The following NRDE2 variants were observed in gnomAD, a reference collection of about 807,000 sequenced individuals.
NRDE2 encodes the protein nuclear exosome regulator NRDE2.
NRDE2 carries 76 observed loss-of-function variants against 124.2 expected under a neutral mutation model. That is an observed-to-expected ratio of 0.61 (90% CI 0.51 to 0.74). NRDE2 has a LOEUF of 0.74. Among genes scored for constraint, NRDE2 ranks in the 30% least tolerant of loss-of-function variants. NRDE2 has a pLI of 0.00. For synonymous variants in NRDE2, 489 were observed against 528.1 expected (o/e 0.93, Z 1.01); for missense variants, 1,314 against 1,417.3 (o/e 0.93, Z 1.17).
In NRDE2 at chr14:90,288,684, G is replaced by A. The variant is rs373558788; in HGVS notation, c.2691C>T (p.Thr897=). The change falls in exon 11 of 14, where the codon ACC becomes ACT. Residue 897 remains threonine (T), a synonymous_variant. Coordinates refer to ENST00000354366, the MANE Select transcript of NRDE2 (RefSeq NM_017970.4). ...GDSCVSNPAP[T]DSCSRLISLA... ...GGCTAATTAGGCGGCTACAGGAATCGGTGGGAGCTGGATTGGAGACACAGC... is the reference window on the plus strand; with the variant it reads ...GGCTAATTAGGCGGCTACAGGAATCAGTGGGAGCTGGATTGGAGACACAGC... 8 of 1,614,058 alleles carry A rather than the reference G, an allele frequency of 5.0e-6. No homozygotes were observed. The highest frequency in any genetic ancestry group is 1.6e-4 in the Middle Eastern group (1 of 6,084).
intron 1 of NRDE2, among the ~76,000 whole-genome samples, chr14:90,319,046 G>A (rs1001438311): frequency 6.6e-6 from 1 of 152,134 alleles, no homozygotes. Flanking sequence ...TACATTAAAT[G>A]TCTAAAGATT....
At chr14:90,286,842 T>C (rs1032550623) in intron 11 of NRDE2, among the ~76,000 whole-genome samples, 4 of 150,812 alleles carry the variant, frequency 2.7e-5, no homozygotes, top group Admixed American at 2.6e-4. Flanking sequence ...AGGTCAGGAG[T>C]TGGAGACCAG....
At position 90,312,446 on chromosome 14, in the gene NRDE2, G is replaced by T. The variant is rs755402107; in HGVS notation, c.505C>A (p.Pro169Thr). ...TGETFRTDKK[P>T]DPANWEYKSL... ...TTGTACTCCCAGTTCGCAGGATCTG[G>T]TTTCTTATCTGTTCTGAAGGTTTCT... Residue 169 changes from proline to threonine, a missense_variant, in exon 4 of 14, where the codon CCA becomes ACA. Physicochemically the swap from Pro to Thr is conservative, Grantham distance 38 (BLOSUM62 -1). Transcript: ENST00000354366. 6.2e-7 allele frequency: 1 copy of T among 1,613,964 alleles called. No homozygotes were observed. The highest frequency in any genetic ancestry group is 1.3e-5 in the African/African-American group (1 of 74,908).
intron 9 of NRDE2, among the ~76,000 whole-genome samples, chr14:90,292,001 C>T (rs887050947): frequency 6.6e-6 from 1 of 152,250 alleles, no homozygotes; most frequent in Admixed American, 6.5e-5. Context: ...GAGTTGGTAT[C>T]TGGTTAAACT....
At chr14:90,329,023 T>C (rs1385413246) in intron 1 of NRDE2, among the ~76,000 whole-genome samples, 1 of 152,214 alleles carries the variant, frequency 6.6e-6, no homozygotes, top group Non-Finnish European at 1.5e-5. Flanking sequence ...TAAGGCTTTT[T>C]TCCATTACAA....
intron 1 of NRDE2, among the ~76,000 whole-genome samples, chr14:90,324,872 G>C (rs1885363705): frequency 6.6e-6 from 1 of 152,160 alleles, no homozygotes; most frequent in Non-Finnish European, 1.5e-5. Context: ...TTAAACCAGT[G>C]AATGGCACAT....
chr14:90,301,402 C>A lies in NRDE2; in HGVS notation c.1412-30G>T, dbSNP rs3742669. 0.7 allele frequency: 1,120,150 copies of A among 1,607,926 alleles called. 391,592 individuals carry two copies. The highest frequency in any genetic ancestry group is 0.79 in the East Asian group (35,208 of 44,762). On this transcript the variant is annotated intron_variant, in intron 6 of 13. Coordinates refer to ENST00000354366, the MANE Select transcript of NRDE2 (RefSeq NM_017970.4). The stretch of plus-strand genomic sequence containing the variant: ...GAACAGGAGGGCAAAGGGGAAGAAG[C>A]CTGGTTGATACCGTTAAAGGGAAAG...
In NRDE2 at chr14:90,268,643, C is replaced by T. The variant is rs900533000; in HGVS notation, c.*9693G>A. On this transcript the variant is annotated 3_prime_UTR_variant, in exon 14 of 14. Transcript: ENST00000354366. ...TATGAATAACCATGTCTTGAGCACC[C>T]GCCCTGATCCAGGACCATCTGGACT... is the stretch of plus-strand genomic sequence containing the variant. 52 of 464,906 alleles carry T rather than the reference C, an allele frequency of 1.1e-4. No individual in the cohort carries two copies. The Middle Eastern group carries it at 2.2e-3, about 20-fold the overall frequency. 28.8% of individuals were successfully genotyped at this position (464,906 alleles called of 1,614,324 possible).
At chr14:90,326,426 G>A (rs147940148) in intron 1 of NRDE2, among the ~76,000 whole-genome samples, 8,610 of 151,512 alleles carry the variant, frequency 0.057, 308 homozygotes, top group South Asian at 0.092. Flanking sequence ...CCCGGGAAGC[G>A]GAGCTTGCAG....
rs1306973948 is a variant in NRDE2 at position 90,271,122 on chromosome 14, C to T, written c.*7214G>A. On this transcript the variant is annotated 3_prime_UTR_variant, in exon 14 of 14. Coordinates refer to ENST00000354366, the MANE Select transcript of NRDE2 (RefSeq NM_017970.4). ...CTTCAAAAAAGTTGCAACAATAGCA[C>T]AGTGATTTGCCAAGAGTTAACATTT... 2.0e-5 allele frequency: 3 copies of T among 152,320 alleles called. No homozygotes were observed. The highest frequency in any genetic ancestry group is 4.4e-5 in the Non-Finnish European group (3 of 68,034). 9.4% of individuals were successfully genotyped at this position (152,320 alleles called of 1,614,324 possible).
intron 12 of NRDE2, 25 bp from the exon 13 acceptor site, chr14:90,279,158 A>G (rs1891885284): frequency 6.4e-7 from 1 of 1,560,916 alleles, no homozygotes; most frequent in Non-Finnish European, 8.8e-7. Context: ...AGAAAATACA[A>G]ACATGATTAG....
intron 11 of NRDE2, 74 bp from the exon 12 acceptor site, chr14:90,286,566 G>GTGA (rs1158437433): frequency 6.6e-7 from 1 of 1,520,754 alleles, no homozygotes; most frequent in East Asian, 2.3e-5. Flanking sequence ...AGATGCCTGA[G>GTGA]TGATGATAAG....
intron 7 of NRDE2, among the ~76,000 whole-genome samples, chr14:90,299,626 G>T (rs1417329502): frequency 6.6e-6 from 1 of 152,146 alleles, no homozygotes; most frequent in Admixed American, 6.5e-5. Flanking sequence ...GGATTATCTA[G>T]CCTGAGCCCT....
chr14:90,287,331 G>T (rs911618625), intron 11 of NRDE2, among the ~76,000 whole-genome samples: 1 of 152,046 alleles, frequency 6.6e-6, no homozygotes, highest in African/African-American at 2.4e-5. Context: ...GAAAATACTG[G>T]ATCAGGCCGG....
chr14:90,299,408 G>GGTCTGCA (rs10676385), intron 7 of NRDE2, among the ~76,000 whole-genome samples: 141,534 of 151,930 alleles, frequency 0.93, 66,683 homozygotes, highest in East Asian at 1. Flanking sequence ...TCGAGCATTA[G>GGTCTGCA]GTGTGTGGTA....
At chr14:90,330,541 G>A (rs1004168933) in intron 1 of NRDE2, among the ~76,000 whole-genome samples, 5 of 152,178 alleles carry the variant, frequency 3.3e-5, no homozygotes, top group African/African-American at 4.8e-5. Context: ...GACAAGCGCA[G>A]TGGCTCATGC....
Position 90,302,579 on chromosome 14 carries a change from G to A in NRDE2, c.1411+141C>T, listed in dbSNP as rs746663010. The A allele has an allele frequency of 1.6e-4, 149 of 950,454 alleles. 1 individual carries two copies. The highest frequency in any genetic ancestry group is 2.0e-4 in the Non-Finnish European group (135 of 668,324). 58.9% of individuals were successfully genotyped at this position (950,454 alleles called of 1,614,324 possible). On this transcript the variant is annotated intron_variant, in intron 6 of 13. Coordinates refer to ENST00000354366, the MANE Select transcript of NRDE2 (RefSeq NM_017970.4). ...GGCAAATTTGTTATCAAAAAGAGTCGTAATACTTTTTTAAAAAAATCAGTT... is the reference window on the plus strand; with the variant it reads ...GGCAAATTTGTTATCAAAAAGAGTCATAATACTTTTTTAAAAAAATCAGTT...
At position 90,276,021 on chromosome 14, in the gene NRDE2, C is replaced by T. The variant is rs974689462; in HGVS notation, c.*2315G>A. ...TCCAGGAAAGAACACTGTCCCAAAC[C>T]CGAGGTGGGCCGACCCCTGTGGTCT... On this transcript the variant is annotated 3_prime_UTR_variant, in exon 14 of 14. Coordinates refer to ENST00000354366, the MANE Select transcript of NRDE2 (RefSeq NM_017970.4). 1 of 152,246 alleles carries T rather than the reference C, an allele frequency of 6.6e-6. No individual in the cohort carries two copies. Among genetic ancestry groups the T allele is most frequent in the Non-Finnish European group, 1.5e-5 (1 of 68,096 alleles). The allele number at this position is 152,246 out of a possible 1,614,324, so 9.4% of individuals were successfully genotyped here. A position where few individuals can be genotyped will look rare whatever the true frequency, so the allele number is the denominator to read the frequency against.
Position 90,272,658 on chromosome 14 carries a change from C to T in NRDE2, c.*5678G>A. ...TTTCTGCAGTCTCCACACACACCTACCGCTCAACAGCAGCCTGTGGGTGGA... is the reference window on the plus strand; with the variant it reads ...TTTCTGCAGTCTCCACACACACCTATCGCTCAACAGCAGCCTGTGGGTGGA... On this transcript the variant is annotated 3_prime_UTR_variant, in exon 14 of 14. Transcript: ENST00000354366. The surrounding 1 kb of genome is among the most constrained non-coding windows in gnomAD (Gnocchi z 4.5). 3.0e-6 allele frequency: 1 copy of T among 335,324 alleles called. No homozygotes were observed. Among genetic ancestry groups the T allele is most frequent in the Non-Finnish European group, 5.7e-6 (1 of 173,942 alleles). 20.8% of individuals were successfully genotyped at this position (335,324 alleles called of 1,614,324 possible). A position where few individuals can be genotyped will look rare whatever the true frequency, so the allele number is the denominator to read the frequency against.
Sources: gnomAD v4.1 joint callset for allele counts (sites outside exome capture counted in the v4.1 genomes callset) on GRCh38, gnomAD v4.1.1 for gene constraint, Gnocchi (gnomAD v3.1) non-coding constraint, MANE v1.5 for transcripts, NCBI Gene and HGNC (gene_info 2026-07-23, HGNC 2026-07-21) for gene names.